The following CFAP61 variants were observed in gnomAD, a reference collection of about 807,000 sequenced individuals.
CFAP61 encodes cilia and flagella associated protein 61, also known as cilia- and flagella-associated protein 61.
Under a neutral mutation model 135.6 loss-of-function variants are expected in CFAP61, and 107 were observed. The ratio of observed to expected loss-of-function variants is 0.79; its 90% confidence interval spans 0.67 to 0.93. The LOEUF (loss-of-function observed/expected upper bound fraction) is 0.93, where lower values mean the gene tolerates loss of function less well. CFAP61 is among the 40% of genes least tolerant of loss of function. CFAP61 has a pLI of 0.00. For missense variants in CFAP61, 1,507 were observed against 1,556.2 expected (o/e 0.97, Z 0.53); for synonymous variants, 575 against 578.5 (o/e 0.99, Z 0.09).
At chr20:20,055,971 A>C (rs535146740) in intron 1 of CFAP61, 2 of 1,611,428 alleles carry the variant, frequency 1.2e-6, no homozygotes, top group Admixed American at 3.4e-5. Context: ...AGCATTTCCC[A>C]AAGTGTCCTT....
intron 17 of CFAP61, chr20:20,214,303 C>A (rs2047884477): frequency 6.6e-6 from 1 of 152,100 alleles, no homozygotes; most frequent in African/African-American, 2.4e-5. Flanking sequence ...TTAAGTTAGT[C>A]GCTGGAGTAG....
chr20:20,208,352 A>G (rs2146909985), intron 17 of CFAP61, among the ~76,000 whole-genome samples: 1 of 152,324 alleles, frequency 6.6e-6, no homozygotes, highest in African/African-American at 2.4e-5. Flanking sequence ...ATCACAATAT[A>G]TGATCTTAAT....
intron 17 of CFAP61, among the ~76,000 whole-genome samples, chr20:20,200,122 C>T (rs2056535478): frequency 1.3e-5 from 2 of 152,246 alleles, no homozygotes; most frequent in Admixed American, 6.5e-5. Flanking sequence ...CAGGACCCTG[C>T]AGGGTCATGC....
At chr20:20,177,092 A>G (rs4814954) in intron 13 of CFAP61, among the ~76,000 whole-genome samples, 137,156 of 151,940 alleles carry the variant, frequency 0.9, 62,726 homozygotes, top group Middle Eastern at 0.99. Flanking sequence ...TTTCTTCTGT[A>G]TATAAATATA....
chr20:20,205,900 C>T (rs1479604038), intron 17 of CFAP61, among the ~76,000 whole-genome samples: 1 of 152,006 alleles, frequency 6.6e-6, no homozygotes, highest in Non-Finnish European at 1.5e-5. Context: ...ATGGAGGCTA[C>T]ATTATACATT....
chr20:20,120,249 A>G (rs188287435), intron 8 of CFAP61, among the ~76,000 whole-genome samples: 105 of 152,190 alleles, frequency 6.9e-4, no homozygotes, highest in African/African-American at 2.3e-3. Context: ...AAGACTTCCT[A>G]CTTTTCTGAT....
chr20:20,078,745 CAT>C (rs1188033130), intron 6 of CFAP61, among the ~76,000 whole-genome samples: 1 of 151,992 alleles, frequency 6.6e-6, no homozygotes, highest in African/African-American at 2.4e-5. Context: ...AATTAAGACT[CAT>C]AAAGTGGCAA....
chr20:20,133,333 G>T (rs1377138707), intron 8 of CFAP61, among the ~76,000 whole-genome samples: 1 of 152,176 alleles, frequency 6.6e-6, no homozygotes, highest in Non-Finnish European at 1.5e-5. Flanking sequence ...GAGTGTTTTG[G>T]CTGACAGGTG....
chr20:20,154,625 GCAA>G (rs924387555), intron 9 of CFAP61, among the ~76,000 whole-genome samples: 45 of 151,034 alleles, frequency 3.0e-4, no homozygotes, highest in Admixed American at 7.9e-4. Flanking sequence ...AAACAAAACA[GCAA>G]CAACAACAAC....
intron 16 of CFAP61, among the ~76,000 whole-genome samples, chr20:20,197,655 C>T (rs1302576823): frequency 1.3e-5 from 2 of 152,114 alleles, no homozygotes; most frequent in Admixed American, 6.5e-5. Context: ...CACTCACACA[C>T]TCATATAAGG....
chr20:20,069,908 G>A (rs1037789754), intron 2 of CFAP61: 12 of 292,434 alleles, frequency 4.1e-5, no homozygotes, highest in African/African-American at 2.4e-4. Flanking sequence ...ATGGGTAACT[G>A]CTGCCTTCTT....
In CFAP61 at chr20:20,288,925, C is replaced by T. The variant is rs377250217; in HGVS notation, c.3113C>T (p.Ala1038Val). 1 of 1,606,542 alleles carries T rather than the reference C, an allele frequency of 6.2e-7. No homozygotes were observed. Among genetic ancestry groups the T allele is most frequent in the East Asian group, 2.2e-5 (1 of 44,634 alleles). ...LDRLIPMYKG[A>V]KIQGGILPGS... Reference sequence around the variant, plus strand: ...CGGCTCATCCCCATGTACAAGGGAGCCAAGATTCAAGGTATACGAGTAGGC... The same window carrying T: ...CGGCTCATCCCCATGTACAAGGGAGTCAAGATTCAAGGTATACGAGTAGGC... Residue 1038 changes from alanine (A) to valine (V), a missense_variant, in exon 23 of 27, where the codon GCC becomes GTC. Physicochemically the swap from Ala to Val is moderately conservative, Grantham distance 64. Coordinates refer to ENST00000245957, the MANE Select transcript of CFAP61 (RefSeq NM_015585.4).
chr20:20,353,273 G>T (rs575033603), intron 26 of CFAP61, among the ~76,000 whole-genome samples: 1 of 152,124 alleles, frequency 6.6e-6, no homozygotes, highest in African/African-American at 2.4e-5. Flanking sequence ...AAAACACTAT[G>T]CTAAGTGAAA....
intron 22 of CFAP61, among the ~76,000 whole-genome samples, chr20:20,283,367 A>G (rs1227985474): frequency 6.6e-6 from 1 of 152,170 alleles, no homozygotes; most frequent in Non-Finnish European, 1.5e-5. Flanking sequence ...TAATATGACC[A>G]TTCCATTCTT....
At chr20:20,147,918 G>A (rs1361310703) in intron 9 of CFAP61, among the ~76,000 whole-genome samples, 1 of 152,062 alleles carries the variant, frequency 6.6e-6, no homozygotes, top group Admixed American at 6.6e-5. Context: ...ATATTATGTT[G>A]ATTTTTGCAT....
intron 8 of CFAP61, among the ~76,000 whole-genome samples, chr20:20,120,768 C>T (rs2049548974): frequency 6.6e-6 from 1 of 152,254 alleles, no homozygotes; most frequent in African/African-American, 2.4e-5. Flanking sequence ...GTCTATCTCT[C>T]CCTTCACATT....
chr20:20,360,092 A>G, intron 26 of CFAP61, 118 bp from the exon 27 acceptor site: 3 of 758,752 alleles, frequency 4.0e-6, no homozygotes, highest in Non-Finnish European at 6.7e-6. Context: ...AAAAGCTAGA[A>G]AAAAAATGAC....
intron 21 of CFAP61, among the ~76,000 whole-genome samples, chr20:20,264,990 AAATG>A (rs2052589321): frequency 6.6e-6 from 1 of 152,246 alleles, no homozygotes; most frequent in African/African-American, 2.4e-5. Context: ...GACAATATGT[AAATG>A]AATGGGCAGG....
chr20:20,297,526 A>G (rs543692446), intron 24 of CFAP61, among the ~76,000 whole-genome samples: 1 of 152,230 alleles, frequency 6.6e-6, no homozygotes, highest in Non-Finnish European at 1.5e-5. Flanking sequence ...AGCAGCATCT[A>G]CCCTTGTCAC....
Sources: allele counts gnomAD v4.1 joint callset (sites outside exome capture counted in the v4.1 genomes callset), GRCh38; gene constraint gnomAD v4.1.1; transcripts MANE v1.5; gene names NCBI Gene and HGNC (gene_info 2026-07-23, HGNC 2026-07-21).